The following FOXM1 variants were observed in gnomAD, a reference collection of about 807,000 sequenced individuals.
FOXM1 encodes forkhead box protein M1.
A neutral mutation model predicts 63.6 loss-of-function variants in FOXM1; 25 were observed. That is an observed-to-expected ratio of 0.39 (90% CI 0.29 to 0.55). FOXM1 has a LOEUF of 0.55. Among genes scored for constraint, FOXM1 ranks in the 20% least tolerant of loss-of-function variants. The probability of loss-of-function intolerance (pLI) is 0.60; values close to 1 mark genes in which losing one functional copy is unlikely to be tolerated. For missense variants in FOXM1, 879 were observed against 958.7 expected, an observed-to-expected ratio of 0.92 and a Z score of 1.10; for synonymous variants, 387 against 376.9, an observed-to-expected ratio of 1.03 and a Z score of -0.31.
rs1282208463 is a variant in FOXM1 at position 2,868,728 on chromosome 12, C to T, written c.681G>A (p.Ala227=). 18 of 1,613,186 alleles carry T rather than the reference C, an allele frequency of 1.1e-5. No individual in the cohort carries two copies. The highest frequency in any genetic ancestry group is 1.7e-5 in the Admixed American group (1 of 59,870). ...VKVEEPSRPS[A]SWQNSVSERP... Reference sequence around the variant, plus strand: ...GCTCAGACACAGAGTTCTGCCAGGACGCTGATGGTCTCGAAGGCTCCTCAA... The same window carrying T: ...GCTCAGACACAGAGTTCTGCCAGGATGCTGATGGTCTCGAAGGCTCCTCAA... Residue 227 remains alanine, a synonymous_variant, in exon 4 of 9, where the codon GCG becomes GCA. Coordinates refer to ENST00000359843, the MANE Select transcript of FOXM1 (RefSeq NM_021953.4).
At chr12:2,868,891 A>G in intron 3 of FOXM1, 137 bp from the exon 4 acceptor site, 1 of 571,862 alleles carries the variant, frequency 1.7e-6, no homozygotes, top group Admixed American at 3.7e-5. Context: ...CCACTATCTC[A>G]TAGAATAAAA....
chr12:2,864,392 T>C lies in FOXM1; in HGVS notation c.1194A>G (p.Pro398=), dbSNP rs769323368. ...SLVLQPSVKV[P]LPLAASLMSS... is the part of the protein sequence containing the mutation. ...TCATGAGGGAAGCCGCCAGGGGCAA[T>C]GGCACCTTCACCGAGGGCTGCAACA... is the stretch of plus-strand genomic sequence containing the variant. The change falls in exon 8 of 9, where the codon CCA becomes CCG. Residue 398 remains proline, a synonymous_variant. Coordinates refer to ENST00000359843, the MANE Select transcript of FOXM1 (RefSeq NM_021953.4). This position sits in a 1 kb window ranked among gnomAD's most constrained non-coding sequence, Gnocchi z 5.1. The C allele has an allele frequency of 1.2e-6, 2 of 1,614,148 alleles. No homozygotes were observed. Among genetic ancestry groups the C allele is most frequent in the South Asian group, 2.2e-5 (2 of 91,092 alleles).
Position 2,858,960 on chromosome 12 carries a change from A to G in FOXM1, c.1970T>C (p.Met657Thr). The change falls in exon 9 of 9, where the codon ATG (methionine) becomes ACG (threonine). Residue 657 changes from methionine (M) to threonine (T), a missense_variant. Around this residue, in one of 4 missense-constraint regions of FOXM1, gnomAD observed 486 missense variants for 453.5 expected, o/e 1.07. Coordinates refer to ENST00000359843, the MANE Select transcript of FOXM1 (RefSeq NM_021953.4). ...SDPLPDPLGL[M>T]DLSTTPLQSA... ...TTGCAAGGGAGTGGTGCTGAGATCC[A>G]TCAGCCCCAGGGGGTCAGGCAAGGG... is the stretch of plus-strand genomic sequence containing the variant. The G allele has an allele frequency of 1.2e-6, 2 of 1,613,540 alleles. No individual in the cohort carries two copies. Among genetic ancestry groups the G allele is most frequent in the Non-Finnish European group, 8.5e-7 (1 of 1,179,874 alleles).
In FOXM1 at chr12:2,872,205, G is replaced by T. The variant is rs1186115009; in HGVS notation, c.545C>A (p.Ser182Tyr). 1 of 1,614,092 alleles carries T rather than the reference G, an allele frequency of 6.2e-7. No homozygotes were observed. The highest frequency in any genetic ancestry group is 1.1e-5 in the South Asian group (1 of 91,092). The change falls in exon 3 of 9, where the codon TCC (serine) becomes TAC (tyrosine). Residue 182 changes from serine (S) to tyrosine (Y), a missense_variant. Coordinates refer to ENST00000359843, the MANE Select transcript of FOXM1 (RefSeq NM_021953.4). The surrounding 1 kb of genome is among the most constrained non-coding windows in gnomAD (Gnocchi z 4.0). ...AAGCTINNSL[S>Y]NIQWLRKMSS... ...CATCTTTCGAAGCCACTGGATGTTG[G>T]ATAGGCTATTGTTGATAGTGCAGCC...
intron 8 of FOXM1, among the ~76,000 whole-genome samples, chr12:2,861,569 T>G (rs1053963897): frequency 1.3e-5 from 2 of 152,246 alleles, no homozygotes; most frequent in Non-Finnish European, 2.9e-5. Context: ...GGTTTAAACA[T>G]GACTTATCAT....
intron 8 of FOXM1, 111 bp from the exon 9 acceptor site, chr12:2,859,774 T>C: frequency 1.3e-6 from 1 of 776,034 alleles, no homozygotes; most frequent in Non-Finnish European, 2.0e-6. Flanking sequence ...TTAAAATCTA[T>C]TAAATATGAG....
At chr12:2,860,775 G>A (rs2098110419) in intron 8 of FOXM1, among the ~76,000 whole-genome samples, 1 of 151,890 alleles carries the variant, frequency 6.6e-6, no homozygotes, top group African/African-American at 2.4e-5. Context: ...GGGAGGCTGA[G>A]GCACGAGAAT....
chr12:2,866,199 G>A (rs1346582881), intron 5 of FOXM1, among the ~76,000 whole-genome samples, 194 bp downstream of exon 5: 1 of 152,152 alleles, frequency 6.6e-6, no homozygotes, highest in Admixed American at 6.5e-5. Context: ...CTCTGGTCTG[G>A]CACAAAAATG....
At chr12:2,863,260 G>A (rs1003422796) in intron 8 of FOXM1, among the ~76,000 whole-genome samples, 1 of 150,796 alleles carries the variant, frequency 6.6e-6, no homozygotes, top group Non-Finnish European at 1.5e-5. Flanking sequence ...AACGTGAATA[G>A]TACTTGAGAA....
chr12:2,867,641 G>C (rs1261637970), intron 4 of FOXM1, among the ~76,000 whole-genome samples: 1 of 148,436 alleles, frequency 6.7e-6, no homozygotes, highest in Admixed American at 6.7e-5. Context: ...CAGCCTGGGT[G>C]ACAGAGCGAG....
At position 2,864,168 on chromosome 12, in the gene FOXM1, A is replaced by G; in HGVS notation, c.1266+152T>C. On this transcript the variant is annotated intron_variant, in intron 8 of 8. Coordinates refer to ENST00000359843, the MANE Select transcript of FOXM1 (RefSeq NM_021953.4). This position sits in a 1 kb window ranked among gnomAD's most constrained non-coding sequence, Gnocchi z 5.1. ...ATCCAAATACCTTTTTAGCTCTTCT[A>G]ATGCTATTACACTTCCCTATGTTTT... 1 of 700,258 alleles carries G rather than the reference A, an allele frequency of 1.4e-6. No homozygotes were observed. The highest frequency in any genetic ancestry group is 2.5e-5 in the East Asian group (1 of 40,258). The allele number at this position is 700,258 out of a possible 1,614,324, so 43.4% of individuals were successfully genotyped here. A position where few individuals can be genotyped will look rare whatever the true frequency, so the allele number is the denominator to read the frequency against.
At position 2,859,221 on chromosome 12, in the gene FOXM1, C is replaced by T. The variant is rs912730887; in HGVS notation, c.1709G>A (p.Arg570His). The T allele has an allele frequency of 2.6e-5, 42 of 1,612,860 alleles. No individual in the cohort carries two copies. Among genetic ancestry groups the T allele is most frequent in the Non-Finnish European group, 3.5e-5 (41 of 1,179,578 alleles). Residue 570 changes from arginine (R) to histidine (H), a missense_variant, in exon 9 of 9, where the codon CGC (arginine) becomes CAC (histidine). Around this residue, in one of 4 missense-constraint regions of FOXM1, gnomAD observed 486 missense variants for 453.5 expected, o/e 1.07. Coordinates refer to ENST00000359843, the MANE Select transcript of FOXM1 (RefSeq NM_021953.4). ...TGGGAACGGGAGCTCTGCGGCCCAG[C>T]GGGAAGTACTGGGCCCCTCTGAGAA... The part of the protein sequence containing the change: ...LLFSEGPSTS[R>H]WAAELPFPAD...
chr12:2,863,292 G>C (rs1402016668), intron 8 of FOXM1, among the ~76,000 whole-genome samples: 1 of 152,194 alleles, frequency 6.6e-6, no homozygotes, highest in East Asian at 1.9e-4. Context: ...GTCTGACCCA[G>C]TCACTTTACT....
Position 2,864,330 on chromosome 12 carries a change from A to G in FOXM1, c.1256T>C (p.Ile419Thr), listed in dbSNP as rs1231222576. 1 of 1,612,384 alleles carries G rather than the reference A, an allele frequency of 6.2e-7. No homozygotes were observed. Among genetic ancestry groups the G allele is most frequent in the African/African-American group, 1.3e-5 (1 of 74,908 alleles). ...ELARHSKRVR[I>T]APKVLLAEEG... Reference sequence around the variant, plus strand: ...AAATAGGACACCCACCTTGGGGGCAATGCGGACTCGCTTGCTATGGCGGGC... The same window carrying G: ...AAATAGGACACCCACCTTGGGGGCAGTGCGGACTCGCTTGCTATGGCGGGC... Residue 419 changes from isoleucine to threonine, a missense_variant, in exon 8 of 9, where the codon ATT becomes ACT. Transcript: ENST00000359843. This position sits in a 1 kb window ranked among gnomAD's most constrained non-coding sequence, Gnocchi z 5.1.
rs2153940875 is a variant in FOXM1 at position 2,873,840 on chromosome 12, A to G, written c.502+137T>C. The G allele has an allele frequency of 3.1e-6, 3 of 979,004 alleles. No individual in the cohort carries two copies. In the East Asian group the frequency reaches 7.7e-5, roughly 25 times the overall value. 60.6% of individuals were successfully genotyped at this position (979,004 alleles called of 1,614,324 possible). A position where few individuals can be genotyped will look rare whatever the true frequency, so the allele number is the denominator to read the frequency against. On this transcript the variant is annotated intron_variant, in intron 2 of 8. Coordinates refer to ENST00000359843, the MANE Select transcript of FOXM1 (RefSeq NM_021953.4). ...TGATCCGCCCGCCTCAGCCTCCCAA[A>G]GTGCTGGGATTACAGGGATGAGCCA...
In FOXM1 at chr12:2,868,667, C is replaced by A; in HGVS notation, c.742G>T (p.Ala248Ser). 1 of 1,613,792 alleles carries A rather than the reference C, an allele frequency of 6.2e-7. No individual in the cohort carries two copies. The highest frequency in any genetic ancestry group is 8.5e-7 in the Non-Finnish European group (1 of 1,179,878). The part of the protein sequence containing the change: ...PYSYMAMIQF[A>S]INSTERKRMT... ...CGCTTCCTCTCAGTGCTGTTGATGG[C>A]GAATTGTATCATGGCCATGTAAGAG... The change falls in exon 4 of 9, where the codon GCC becomes TCC. Residue 248 changes from alanine to serine, a missense_variant. Ala to Ser is a moderately conservative substitution (Grantham distance 99, BLOSUM62 1). This residue lies in a region of FOXM1 where 62 missense variants were observed against 118.2 expected (regional missense o/e 0.52). Transcript: ENST00000359843.
chr12:2,870,957 C>CAAAAAAAAAAAAA (rs11310343), intron 3 of FOXM1, among the ~76,000 whole-genome samples: 1 of 39,126 alleles, frequency 2.6e-5, no homozygotes, highest in African/African-American at 8.9e-5. Context: ...GACTACGTCT[C>CAAAAAAAAAAAAA]AAAAAAAAAA....
Position 2,860,803 on chromosome 12 carries a change from C to T in FOXM1, c.1267-1140G>A, listed in dbSNP as rs150770163. On this transcript the variant is annotated intron_variant, in intron 8 of 8. Transcript: ENST00000359843. ...ACGAGAATTGCTTGAACCCGGGAGG[C>T]AGAGGTTGCCAAGATCACACCACTG... Among the ~76,000 whole-genome samples, 74 of 149,606 alleles carry T rather than the reference C, an allele frequency of 4.9e-4. No homozygotes were observed. In the East Asian group the frequency reaches 9.2e-3, roughly 19 times the overall value.
Position 2,866,514 on chromosome 12 carries a change from A to C in FOXM1, c.854T>G (p.Ile285Ser). The stretch of plus-strand genomic sequence containing the variant: ...GTCGTGCAGGGAAAGGTTGTGGCGG[A>C]TGGAGTTCTGGAAGAAGAGCAAGAC... ...HIAKPGWKNSIRHNLSLHDMF... is the reference protein window; with the variant it reads ...HIAKPGWKNSSRHNLSLHDMF... The change falls in exon 5 of 9, where the codon ATC becomes AGC. Residue 285 changes from isoleucine to serine, a missense_variant. Transcript: ENST00000359843. 1 of 1,536,952 alleles carries C rather than the reference A, an allele frequency of 6.5e-7. No individual in the cohort carries two copies. Among genetic ancestry groups the C allele is most frequent in the Non-Finnish European group, 8.7e-7 (1 of 1,147,162 alleles).
Sources: gnomAD v4.1 joint callset for allele counts (sites outside exome capture counted in the v4.1 genomes callset) on GRCh38, gnomAD v4.1.1 for gene constraint, gnomAD v4.1.1 regional missense constraint, Gnocchi (gnomAD v3.1) non-coding constraint, MANE v1.5 for transcripts, NCBI Gene and HGNC (gene_info 2026-07-23, HGNC 2026-07-21) for gene names.